PRR16: variants seen among roughly 807,000 people sequenced by gnomAD.
PRR16 encodes the protein proline rich 16, also known as protein Largen.
In PRR16, 6 loss-of-function variants were observed where a neutral mutation model predicts 18.2. The ratio of observed to expected loss-of-function variants is 0.33; its 90% CI spans 0.18 to 0.65. PRR16 has a LOEUF of 0.65. PRR16 is among the 30% of genes least tolerant of loss of function. The pLI, the probability that PRR16 is intolerant of heterozygous loss-of-function variation, is 0.74. For synonymous variants in PRR16, 151 were observed against 147.8 expected, an observed-to-expected ratio of 1.02 and a Z score of -0.16; for missense variants, 412 against 376.6, an observed-to-expected ratio of 1.09 and a Z score of -0.78.
chr5:120,526,764 C>T (rs1751368107), intron 1 of PRR16, among the ~76,000 whole-genome samples: 1 of 152,066 alleles, frequency 6.6e-6, no homozygotes, highest in African/African-American at 2.4e-5. Flanking sequence ...TTGCTGTTTC[C>T]CAGCATTCTG....
chr5:120,474,835 A>G (rs991927280), intron 1 of PRR16, among the ~76,000 whole-genome samples: 4 of 152,144 alleles, frequency 2.6e-5, no homozygotes, highest in Admixed American at 6.6e-5. Flanking sequence ...GAATGAAGGG[A>G]GCAGTTGAGG....
chr5:120,558,543 C>A (rs1752484466), intron 1 of PRR16, among the ~76,000 whole-genome samples: 1 of 151,876 alleles, frequency 6.6e-6, no homozygotes, highest in South Asian at 2.1e-4. Context: ...TTTATCCATT[C>A]ATCTATTGAC....
chr5:120,747,892 T>A, the PRR16 span, among the ~76,000 whole-genome samples: 1 of 152,122 alleles, frequency 6.6e-6, no homozygotes, highest in African/African-American at 2.4e-5. Flanking sequence ...ATGCGTACTC[T>A]TAGTTCCAAA....
chr5:120,731,884 G>A, the PRR16 span, among the ~76,000 whole-genome samples: 1 of 152,172 alleles, frequency 6.6e-6, no homozygotes, highest in Admixed American at 6.5e-5. Context: ...TAGCCAAAGA[G>A]ACACACTGGT....
chr5:120,724,372 C>T, the PRR16 span, among the ~76,000 whole-genome samples: 1 of 152,056 alleles, frequency 6.6e-6, no homozygotes, highest in Non-Finnish European at 1.5e-5. Flanking sequence ...TGCTTCTCCT[C>T]TCTCTATTTT....
chr5:120,666,047 G>A (rs1210396740), intron 1 of PRR16, among the ~76,000 whole-genome samples: 3 of 152,030 alleles, frequency 2.0e-5, no homozygotes, highest in African/African-American at 7.2e-5. Context: ...ATTACCTTGG[G>A]CAGTATGGCC....
chr5:120,475,783 A>C (rs1006347728), intron 1 of PRR16, among the ~76,000 whole-genome samples: 2 of 152,138 alleles, frequency 1.3e-5, no homozygotes, highest in African/African-American at 2.4e-5. Flanking sequence ...ATTGCCTACT[A>C]TATGCAGGGT....
the PRR16 span, among the ~76,000 whole-genome samples, chr5:120,770,551 A>G: frequency 1.3e-5 from 2 of 152,198 alleles, no homozygotes; most frequent in Middle Eastern, 3.4e-3. Context: ...AGGAGGCAAC[A>G]AAGACATAAA....
chr5:120,699,243 G>A, the PRR16 span, among the ~76,000 whole-genome samples: 2 of 152,160 alleles, frequency 1.3e-5, no homozygotes, highest in African/African-American at 4.8e-5. Context: ...CGATGGAAAG[G>A]AAATGAGAGG....
At chr5:120,574,427 A>C (rs2112741699) in intron 1 of PRR16, among the ~76,000 whole-genome samples, 1 of 152,138 alleles carries the variant, frequency 6.6e-6, no homozygotes, top group Admixed American at 6.6e-5. Flanking sequence ...AACATAGCAA[A>C]ACCCTGTCTC....
intron 1 of PRR16, among the ~76,000 whole-genome samples, chr5:120,587,056 G>T (rs141109775): frequency 6.6e-6 from 1 of 152,132 alleles, no homozygotes; most frequent in Non-Finnish European, 1.5e-5. Context: ...CTGGATAGAC[G>T]ATTAAACATT....
At chr5:120,500,594 A>G (rs1057096086) in intron 1 of PRR16, among the ~76,000 whole-genome samples, 39 of 152,228 alleles carry the variant, frequency 2.6e-4, no homozygotes, top group African/African-American at 9.2e-4. Flanking sequence ...ATTTTATGTC[A>G]TGAATCTCAA....
chr5:120,708,780 C>T, the PRR16 span, among the ~76,000 whole-genome samples: 1 of 152,032 alleles, frequency 6.6e-6, no homozygotes, highest in East Asian at 1.9e-4. Context: ...GTGGAAATTG[C>T]AGAGTAAAAG....
intron 1 of PRR16, among the ~76,000 whole-genome samples, chr5:120,556,977 T>A (rs1752434304): frequency 6.6e-6 from 1 of 151,762 alleles, no homozygotes; most frequent in Non-Finnish European, 1.5e-5. Flanking sequence ...CTAGGGTATG[T>A]TTATTTTAGA....
chr5:120,791,269 T>A, the PRR16 span, among the ~76,000 whole-genome samples: 1 of 152,096 alleles, frequency 6.6e-6, no homozygotes, highest in South Asian at 2.1e-4. Context: ...TAATGGAAGA[T>A]TGATATTTCA....
intron 1 of PRR16, among the ~76,000 whole-genome samples, chr5:120,670,603 T>C (rs953436617): frequency 2.0e-5 from 3 of 152,144 alleles, no homozygotes; most frequent in African/African-American, 7.2e-5. Flanking sequence ...AGGTATTATA[T>C]TTTAAAATGC....
At chr5:120,767,962 G>A in the PRR16 span, among the ~76,000 whole-genome samples, 19 of 151,760 alleles carry the variant, frequency 1.3e-4, no homozygotes, top group African/African-American at 4.6e-4. Context: ...CACTTAAAAG[G>A]GTACAGTGTT....
chr5:120,725,563 G>C, the PRR16 span, among the ~76,000 whole-genome samples: 6 of 151,862 alleles, frequency 4.0e-5, no homozygotes, highest in Non-Finnish European at 7.4e-5. Context: ...TTTAACCCTA[G>C]ATGCTTGGAA....
At chr5:120,787,175 GTATAT>G in the PRR16 span, among the ~76,000 whole-genome samples, 4 of 151,974 alleles carry the variant, frequency 2.6e-5, no homozygotes, top group Admixed American at 6.6e-5. Flanking sequence ...AACAGTGATG[GTATAT>G]TATGTCTCTA....
Sources: allele counts gnomAD v4.1 joint callset (sites outside exome capture counted in the v4.1 genomes callset), GRCh38; gene constraint gnomAD v4.1.1; transcripts MANE v1.5; gene names NCBI Gene and HGNC (gene_info 2026-07-23, HGNC 2026-07-21).